The following MUC12 variants were observed in gnomAD, a reference collection of about 807,000 sequenced individuals.
The protein encoded by MUC12 is mucin 12, cell surface associated.
In MUC12, 172 loss-of-function variants were observed where a neutral mutation model predicts 230.8. The ratio of observed to expected loss-of-function variants is 0.75; its 90% CI spans 0.66 to 0.85. MUC12 has a LOEUF of 0.85. MUC12 is among the 40% of genes least tolerant of loss of function. MUC12 has a pLI of 0.00. For synonymous variants in MUC12, 1,259 were observed against 2,401.9 expected, an observed-to-expected ratio of 0.52 and a Z score of 13.91; for missense variants, 3,506 against 5,920.6, an observed-to-expected ratio of 0.59 and a Z score of 13.38.
intron 1 of MUC12, among the ~76,000 whole-genome samples, chr7:100,975,092 G>A (rs1793000297): frequency 6.6e-6 from 1 of 152,310 alleles, no homozygotes; most frequent in Non-Finnish European, 1.5e-5. Context: ...GGTGGCCTGA[G>A]GCTCCTGGAA....
chr7:101,011,350 G>T (rs1451390027), intron 5 of MUC12, among the ~76,000 whole-genome samples: 2 of 152,122 alleles, frequency 1.3e-5, no homozygotes, highest in Admixed American at 6.6e-5. Flanking sequence ...GACTTGCCTT[G>T]TCTCAAGATC....
At chr7:100,972,099 C>T (rs1792914385) in intron 1 of MUC12, 1 of 703,300 alleles carries the variant, frequency 1.4e-6, no homozygotes, top group Non-Finnish European at 2.6e-6. Context: ...TCCAGAGACC[C>T]CCTGCCCTCC....
chr7:100,989,302 T>C (rs1472254277), intron 1 of MUC12, among the ~76,000 whole-genome samples: 1 of 151,858 alleles, frequency 6.6e-6, no homozygotes, highest in Non-Finnish European at 1.5e-5. Context: ...AGAGATGAGT[T>C]TCACAATGAT....
At chr7:100,973,853 TAA>T (rs759897466) in intron 1 of MUC12, among the ~76,000 whole-genome samples, 9 of 141,528 alleles carry the variant, frequency 6.4e-5, no homozygotes, top group Non-Finnish European at 7.7e-5. Flanking sequence ...ACCCCATCTC[TAA>T]AAAAAAAAAA....
Position 101,004,979 on chromosome 7 carries a change from A to C in MUC12, c.14416A>C (p.Thr4806Pro). 1 of 1,537,714 alleles carries C rather than the reference A, an allele frequency of 6.5e-7. No individual in the cohort carries two copies. The highest frequency in any genetic ancestry group is 8.7e-7 in the Non-Finnish European group (1 of 1,147,032). Reference protein sequence around the residue: ...TFHSKPGSTETTLSPGSITTS... With the variant: ...TFHSKPGSTEPTLSPGSITTS... ...CCACAGTAAGCCAGGCTCAACTGAG[A>C]CAACACTGTCCCCTGGCAGCATCAC... Residue 4806 changes from threonine (T) to proline (P), a missense_variant, in exon 2 of 12, where the codon ACA (threonine) becomes CCA (proline). Physicochemically the swap from Thr to Pro is conservative, Grantham distance 38 (BLOSUM62 -1). Transcript: ENST00000536621.
Position 100,969,579 on chromosome 7 carries a change from C to A in MUC12, c.-44C>A. On this transcript the variant is annotated 5_prime_UTR_variant, in exon 1 of 12. Coordinates refer to ENST00000536621, the MANE Select transcript of MUC12 (RefSeq NM_001164462.2). ...GGGAGGCCTTCATTTCTTGGTCCCT[C>A]CTGATGAGAGAAGATGGGCAGCCAG... 1 of 1,537,350 alleles carries A rather than the reference C, an allele frequency of 6.5e-7. No individual in the cohort carries two copies. Among genetic ancestry groups the A allele is most frequent in the South Asian group, 1.2e-5 (1 of 84,052 alleles).
intron 2 of MUC12, 69 bp downstream of exon 2, chr7:101,005,588 A>G: frequency 1.4e-6 from 2 of 1,438,032 alleles, no homozygotes; most frequent in African/African-American, 1.4e-5. Context: ...TTCTTCATCC[A>G]TTACAACCTC....
At chr7:101,017,765 C>CCCCCTGGGACTCCCTTCTA (rs1793958680) in intron 11 of MUC12, 102 bp downstream of exon 11, 1 of 750,124 alleles carries the variant, frequency 1.3e-6, no homozygotes, top group Admixed American at 2.7e-5. Flanking sequence ...ACTCCCTTCT[C>CCCCCTGGGACTCCCTTCTA]CCCCTGGGAC....
intron 1 of MUC12, among the ~76,000 whole-genome samples, chr7:100,987,056 A>G (rs1347354969): frequency 7.5e-6 from 1 of 133,834 alleles, no homozygotes. Context: ...GGGCCAAGAT[A>G]ATGGTTTTTT....
chr7:101,014,966 T>C (rs1299508431), intron 9 of MUC12, among the ~76,000 whole-genome samples: 1 of 152,082 alleles, frequency 6.6e-6, no homozygotes, highest in Non-Finnish European at 1.5e-5. Context: ...TCGCTTTTAT[T>C]ACACACCCAC....
At chr7:101,008,793 G>T in intron 4 of MUC12, 32 bp downstream of exon 4, 1 of 1,526,618 alleles carries the variant, frequency 6.6e-7, no homozygotes, top group Non-Finnish European at 8.8e-7. Flanking sequence ...ACACCCCAGG[G>T]TGATGTCCCA....
In MUC12 at chr7:100,991,417, A is replaced by C. The variant is rs1261309489; in HGVS notation, c.854A>C (p.Lys285Thr). The C allele has an allele frequency of 1.3e-6, 2 of 1,537,704 alleles. No individual in the cohort carries two copies. The highest frequency in any genetic ancestry group is 1.7e-6 in the Non-Finnish European group (2 of 1,147,052). Reference protein sequence around the residue: ...PTTFQSWPSSKDTSPAPSGTT... With the variant: ...PTTFQSWPSSTDTSPAPSGTT... ...ACCTTCCAGAGCTGGCCAAGCTCAA[A>C]GGACACTTCGCCTGCACCTTCTGGT... Residue 285 changes from lysine (K) to threonine (T), a missense_variant, in exon 2 of 12, where the codon AAG (lysine) becomes ACG (threonine). Coordinates refer to ENST00000536621, the MANE Select transcript of MUC12 (RefSeq NM_001164462.2).
At position 100,991,393 on chromosome 7, in the gene MUC12, C is replaced by A. The variant is rs895475602; in HGVS notation, c.830C>A (p.Thr277Asn). The change falls in exon 2 of 12, where the codon ACC becomes AAC. Residue 277 changes from threonine to asparagine, a missense_variant. Transcript: ENST00000536621. ...SSTTHEGEPT[T>N]FQSWPSSKDT... is the part of the protein sequence containing the mutation. ...ACAACCCATGAGGGAGAACCTACCA[C>A]CTTCCAGAGCTGGCCAAGCTCAAAG... is the stretch of plus-strand genomic sequence containing the variant. 3.3e-6 allele frequency: 5 copies of A among 1,537,854 alleles called. No homozygotes were observed. Among genetic ancestry groups the A allele is most frequent in the Non-Finnish European group, 8.7e-7 (1 of 1,147,046 alleles).
chr7:100,984,178 T>C (rs1563087065), intron 1 of MUC12, among the ~76,000 whole-genome samples: 3 of 151,652 alleles, frequency 2.0e-5, no homozygotes, highest in Non-Finnish European at 4.4e-5. Context: ...GTTTGTTACG[T>C]ATAGTATTAC....
chr7:100,988,833 G>A (rs557922644), intron 1 of MUC12, among the ~76,000 whole-genome samples: 39 of 152,238 alleles, frequency 2.6e-4, no homozygotes, highest in Non-Finnish European at 4.0e-4. Context: ...GGACCCAGTG[G>A]GAGATAATTG....
rs955615633 is a variant in MUC12, at chr7:101,014,170, C to T, written c.15800+96C>T. 3.7e-6 allele frequency: 5 copies of T among 1,363,488 alleles called. No individual in the cohort carries two copies. The African/African-American group carries it at 7.4e-5, about 20-fold the overall frequency. 84.5% of individuals were successfully genotyped at this position (1,363,488 alleles called of 1,614,324 possible). ...GTCCTAAGGCTCTGCTCCTTCCAGG[C>T]CAGCAATCAGAGAGGTCAGCTGAGG... On this transcript the variant is annotated intron_variant, in intron 9 of 11. Transcript: ENST00000536621.
chr7:100,987,888 T>G (rs747031766), intron 1 of MUC12, among the ~76,000 whole-genome samples: 1 of 151,570 alleles, frequency 6.6e-6, no homozygotes, highest in Non-Finnish European at 1.5e-5. Context: ...GGAGAATCAC[T>G]TGAACTGGGG....
chr7:100,975,099 GGA>G (rs1226487584), intron 1 of MUC12, among the ~76,000 whole-genome samples: 56 of 152,292 alleles, frequency 3.7e-4, no homozygotes, highest in African/African-American at 1.0e-3. Context: ...TGAGGCTCCT[GGA>G]ATGGGGACAC....
rs1793603931 is a variant in MUC12, at chr7:101,001,570, AACAAC to A, written c.11011_11015del (p.Thr3671LeufsTer12). On this transcript the variant is annotated frameshift_variant, in exon 2 of 12. Transcript: ENST00000536621. LOFTEE classifies it high-confidence loss of function. ...ACCACCGCAGCCCAGGCTCGACTCC[AACAAC>A]ACACTTCCCTGCCAGCTCCACAACT... is the stretch of plus-strand genomic sequence containing the variant. 1 of 566,838 alleles carries A rather than the reference AACAAC, an allele frequency of 1.8e-6. No individual in the cohort carries two copies. Among genetic ancestry groups the A allele is most frequent in the Non-Finnish European group, 3.0e-6 (1 of 330,064 alleles). The allele number at this position is 566,838 out of a possible 1,614,324, so 35.1% of individuals were successfully genotyped here. A position where few individuals can be genotyped will look rare whatever the true frequency, so the allele number is the denominator to read the frequency against.
Sources: gnomAD v4.1 joint callset for allele counts (sites outside exome capture counted in the v4.1 genomes callset) on GRCh38, gnomAD v4.1.1 for gene constraint, MANE v1.5 for transcripts, NCBI Gene and HGNC (gene_info 2026-07-23, HGNC 2026-07-21) for gene names.